Variants in USP24 observed in about 807,000 individuals in gnomAD.
The protein encoded by USP24 is ubiquitin specific peptidase 24, also known as ubiquitin carboxyl-terminal hydrolase 24.
In USP24, 97 loss-of-function variants were observed where a neutral mutation model predicts 361.6. The ratio of observed to expected loss-of-function variants is 0.27; its 90% CI spans 0.23 to 0.32. The LOEUF (loss-of-function observed/expected upper bound fraction) is 0.32, where lower values mean the gene tolerates loss of function less well. Among genes scored for constraint, USP24 ranks in the 10% least tolerant of loss-of-function variants. The probability of loss-of-function intolerance (pLI) is 1.00; values close to 1 mark genes in which losing one functional copy is unlikely to be tolerated. For synonymous variants in USP24, 1,098 were observed against 1,124.6 expected (o/e 0.98, Z 0.47); for missense variants, 2,353 against 3,165.6 (o/e 0.74, Z 6.16).
At chr1:55,112,231 G>A (rs894418065) in intron 38 of USP24, among the ~76,000 whole-genome samples, 10 of 152,108 alleles carry the variant, frequency 6.6e-5, no homozygotes, top group African/African-American at 1.9e-4. Flanking sequence ...CCAGCTCCTC[G>A]ATTCACTGAT....
chr1:55,214,508 A>C (rs1308561451), intron 1 of USP24, among the ~76,000 whole-genome samples: 1 of 151,782 alleles, frequency 6.6e-6, no homozygotes, highest in Admixed American at 6.6e-5. Context: ...GCATAGCCGG[A>C]AGCCTAAGGG....
rs183779685 is a variant in USP24, at chr1:55,163,884, T to C, written c.928-1620A>G. Among the ~76,000 whole-genome samples the C allele has an allele frequency of 2.9e-3, 435 of 152,058 alleles. 2 individuals are homozygous for C. The highest frequency in any genetic ancestry group is 5.0e-3 in the Non-Finnish European group (342 of 67,876). ...CAGGGCTGCCTACAGGATTTGAGTATAGACAGATTCTGGTATACCCAGAAT... is the reference window on the plus strand; with the variant it reads ...CAGGGCTGCCTACAGGATTTGAGTACAGACAGATTCTGGTATACCCAGAAT... On this transcript the variant is annotated intron_variant, in intron 7 of 67. Coordinates refer to ENST00000294383, the MANE Select transcript of USP24 (RefSeq NM_015306.3).
At chr1:55,082,898 C>T (rs1645179271) in intron 58 of USP24, among the ~76,000 whole-genome samples, 1 of 152,126 alleles carries the variant, frequency 6.6e-6, no homozygotes, top group Non-Finnish European at 1.5e-5. Flanking sequence ...CACAACTTTG[C>T]ATTTGGATTC....
intron 55 of USP24, 101 bp downstream of exon 55, chr1:55,089,526 C>G: frequency 1.3e-6 from 1 of 778,616 alleles, no homozygotes; most frequent in Middle Eastern, 3.8e-4. Context: ...TTAAGCAGAA[C>G]AATAATTTCA....
chr1:55,199,448 G>A lies in USP24; in HGVS notation c.324+15342C>T, dbSNP rs535644058. ...GAACTAAATAATAGACAATATTAAC[G>A]TATTAATGTTAAATTCCTTTGGTAG... On this transcript the variant is annotated intron_variant, in intron 1 of 67. Transcript: ENST00000294383. Among the ~76,000 whole-genome samples the A allele has an allele frequency of 4.2e-4, 64 of 152,234 alleles. 1 individual carries two copies. The South Asian group carries it at 0.012, about 29-fold the overall frequency.
At position 55,134,147 on chromosome 1, in the gene USP24, G is replaced by A; in HGVS notation, c.3304C>T (p.Arg1102Trp). The change falls in exon 30 of 68, where the codon CGG becomes TGG. Residue 1102 changes from arginine (R) to tryptophan (W), a missense_variant. This residue lies in a region of USP24 where 949 missense variants were observed against 1,280.5 expected (regional missense o/e 0.74). Coordinates refer to ENST00000294383, the MANE Select transcript of USP24 (RefSeq NM_015306.3). ...LEEPRITLRV[R>W]KLLLLIPTDP... ...GTGGGTATCAAGAGCAGAAGCTTCC[G>A]TACTCGTAGAGTTATCCTGAAGTTT... is the stretch of plus-strand genomic sequence containing the variant. 6.2e-7 allele frequency: 1 copy of A among 1,613,584 alleles called. No individual in the cohort carries two copies. The highest frequency in any genetic ancestry group is 8.5e-7 in the Non-Finnish European group (1 of 1,179,726).
At chr1:55,185,523 A>G (rs1019706379) in intron 1 of USP24, among the ~76,000 whole-genome samples, 5 of 152,138 alleles carry the variant, frequency 3.3e-5, no homozygotes, top group Admixed American at 1.3e-4. Context: ...GAGGATTCAA[A>G]TTTAATAATA....
rs34911935 is a variant in USP24, at chr1:55,074,107, TAAA to T, written c.7448-204_7448-202del. Among the ~76,000 whole-genome samples the T allele has an allele frequency of 1.1e-3, 135 of 123,476 alleles. 1 individual carries two copies. The highest frequency in any genetic ancestry group is 3.5e-3 in the African/African-American group (118 of 33,356). 81.0% of individuals were successfully genotyped at this position (123,476 alleles called of 152,430 possible). ...GTGGAAACACTACTTTAAGTATGTT[TAAA>T]AAAAAAAAAAAAAAAAAACCACAAC... On this transcript the variant is annotated intron_variant, in intron 63 of 67. Transcript: ENST00000294383.
chr1:55,080,418 T>C (rs1309180717), intron 59 of USP24, among the ~76,000 whole-genome samples: 1 of 152,228 alleles, frequency 6.6e-6, no homozygotes, highest in Non-Finnish European at 1.5e-5. Context: ...TAGTAGCTTC[T>C]GGGTCTGAGT....
chr1:55,101,081 C>T, intron 43 of USP24, 117 bp from the exon 44 acceptor site: 2 of 1,226,996 alleles, frequency 1.6e-6, no homozygotes, highest in Non-Finnish European at 2.3e-6. Context: ...TATGTTTGGA[C>T]ATGGCTATAA....
At chr1:55,069,133 G>A (rs1445202547) in intron 67 of USP24, 26 bp from the exon 68 acceptor site, 1 of 1,613,182 alleles carries the variant, frequency 6.2e-7, no homozygotes, top group Non-Finnish European at 8.5e-7. Context: ...GGAAGTTAAA[G>A]TTCATACGGT....
intron 35 of USP24, 93 bp from the exon 36 acceptor site, chr1:55,123,695 A>G: frequency 7.8e-7 from 1 of 1,287,928 alleles, no homozygotes; most frequent in East Asian, 2.8e-5. Flanking sequence ...TCCTCATGTG[A>G]CATTAAATAC....
intron 17 of USP24, among the ~76,000 whole-genome samples, 200 bp downstream of exon 17, chr1:55,148,263 T>C (rs1011943576): frequency 4.3e-5 from 6 of 140,268 alleles, no homozygotes; most frequent in Non-Finnish European, 9.1e-5. Context: ...AGAAAATGAG[T>C]TAAGGAGATT....
Position 55,124,571 on chromosome 1 carries a change from C to A in USP24, c.4018G>T (p.Ala1340Ser). 1 of 1,613,910 alleles carries A rather than the reference C, an allele frequency of 6.2e-7. No individual in the cohort carries two copies. Among genetic ancestry groups the A allele is most frequent in the East Asian group, 2.2e-5 (1 of 44,886 alleles). The part of the protein sequence containing the change: ...TVACFMRLSW[A>S]AAAGRLDLVG... Reference sequence around the variant, plus strand: ...AGATCAAGCCGTCCTGCAGCCGCAGCCCATGACAATCTCATGAAGCAAGCC... The same window carrying A: ...AGATCAAGCCGTCCTGCAGCCGCAGACCATGACAATCTCATGAAGCAAGCC... The change falls in exon 35 of 68, where the codon GCT becomes TCT. Residue 1340 changes from alanine (A) to serine (S), a missense_variant. Coordinates refer to ENST00000294383, the MANE Select transcript of USP24 (RefSeq NM_015306.3).
At chr1:55,167,983 T>C (rs1049618508) in intron 5 of USP24, among the ~76,000 whole-genome samples, 2 of 152,084 alleles carry the variant, frequency 1.3e-5, no homozygotes, top group Non-Finnish European at 2.9e-5. Context: ...GAGATATAAA[T>C]TGGAGGGCCA....
rs1215678117 is a variant in USP24 at position 55,101,723 on chromosome 1, A to T, written c.5026-20T>A. 23 of 1,586,760 alleles carry T rather than the reference A, an allele frequency of 1.4e-5. No individual in the cohort carries two copies. Among genetic ancestry groups the T allele is most frequent in the Non-Finnish European group, 1.6e-5 (19 of 1,169,026 alleles). On this transcript the variant is annotated intron_variant, in intron 42 of 67. Transcript: ENST00000294383. ...AAGGTACTGGAAAAGAGAGGAATAG[A>T]AACAGCAGAGGAGAAGAATGAGCAT...
intron 51 of USP24, among the ~76,000 whole-genome samples, chr1:55,094,918 G>A (rs757779702): frequency 2.6e-5 from 4 of 152,002 alleles, no homozygotes; most frequent in Non-Finnish European, 4.4e-5. Flanking sequence ...TGGAAGGATC[G>A]CTTCAGCCTG....
chr1:55,203,742 A>C (rs1429899765), intron 1 of USP24, among the ~76,000 whole-genome samples: 1 of 152,186 alleles, frequency 6.6e-6, no homozygotes, highest in Non-Finnish European at 1.5e-5. Flanking sequence ...TTAGAAAGCA[A>C]ACAGAACTTG....
At chr1:55,212,763 C>T (rs568933887) in intron 1 of USP24, among the ~76,000 whole-genome samples, 12 of 152,306 alleles carry the variant, frequency 7.9e-5, no homozygotes, top group Middle Eastern at 3.4e-3. Flanking sequence ...TCACCAGCTC[C>T]TCTTGAACTC....
Sources: gnomAD v4.1 joint callset for allele counts (sites outside exome capture counted in the v4.1 genomes callset) on GRCh38, gnomAD v4.1.1 for gene constraint, gnomAD v4.1.1 regional missense constraint, MANE v1.5 for transcripts, NCBI Gene and HGNC (gene_info 2026-07-23, HGNC 2026-07-21) for gene names.